GTF2A1L: variants seen among roughly 807,000 people sequenced by gnomAD.
GTF2A1L encodes the protein TFIIA-alpha and beta-like factor.
A neutral mutation model predicts 49.7 loss-of-function variants in GTF2A1L; 48 were observed. The observed-to-expected ratio is 0.97, with a 90% CI of 0.77 to 1.23. The LOEUF is 1.23. GTF2A1L is among the 50% of genes most tolerant of loss of function. GTF2A1L has a pLI of 0.00. For synonymous variants in GTF2A1L, 246 were observed against 193.5 expected, an observed-to-expected ratio of 1.27 and a Z score of -2.25; for missense variants, 736 against 564.8, an observed-to-expected ratio of 1.30 and a Z score of -3.07.
chr2:48,656,929 A>C (rs576751014), intron 6 of GTF2A1L, among the ~76,000 whole-genome samples: 4 of 152,320 alleles, frequency 2.6e-5, no homozygotes, highest in Non-Finnish European at 5.9e-5. Flanking sequence ...TAGTTTTCCC[A>C]AAATGATTTG....
rs70946822 is a variant in GTF2A1L at position 48,676,833 on chromosome 2, CATCTAT to C, written c.1330-2481_1330-2476del. 1.9e-3 allele frequency among the ~76,000 whole-genome samples: 282 copies of C among 150,968 alleles called. 1 individual carries two copies. Among genetic ancestry groups the C allele is most frequent in the Middle Eastern group, 0.014 (4 of 286 alleles). On this transcript the variant is annotated intron_variant, in intron 8 of 8. Coordinates refer to ENST00000403751, the MANE Select transcript of GTF2A1L (RefSeq NM_006872.5). ...TATATATCTATATCTATATCTATAT[CATCTAT>C]ATCTATATCTATATCTATATACTCA... is the stretch of plus-strand genomic sequence containing the variant.
rs114485702 is a variant in GTF2A1L, at chr2:48,652,234, C to T, written c.978+5192C>T. ...TTCAGTATTCCTTTATAAGCTTATC[C>T]TTGTCTGGCAAGGTAACATAGAAGC... On this transcript the variant is annotated intron_variant, in intron 6 of 8. Coordinates refer to ENST00000403751, the MANE Select transcript of GTF2A1L (RefSeq NM_006872.5). 7.9e-3 allele frequency among the ~76,000 whole-genome samples: 1,201 copies of T among 152,228 alleles called. 6 individuals carry two copies. Among genetic ancestry groups the T allele is most frequent in the Middle Eastern group, 0.014 (4 of 294 alleles).
intron 8 of GTF2A1L, among the ~76,000 whole-genome samples, chr2:48,677,978 GGT>G (rs5830998): frequency 0.46 from 67,824 of 147,796 alleles, 17,500 homozygotes; most frequent in East Asian, 0.86. Flanking sequence ...CTCTGAGATG[GGT>G]GTGTGTGTGT....
At chr2:48,634,689 A>C (rs1222424961) in intron 3 of GTF2A1L, among the ~76,000 whole-genome samples, 1 of 152,220 alleles carries the variant, frequency 6.6e-6, no homozygotes, top group Admixed American at 6.5e-5. Context: ...TCTTGGTTGG[A>C]ATTTCTTTTC....
intron 6 of GTF2A1L, among the ~76,000 whole-genome samples, chr2:48,659,245 G>A (rs937310523): frequency 6.6e-6 from 1 of 152,054 alleles, no homozygotes; most frequent in African/African-American, 2.4e-5. Flanking sequence ...AGCAAGATTA[G>A]GGAAATGTTC....
chr2:48,624,922 G>C (rs776200856), intron 3 of GTF2A1L, among the ~76,000 whole-genome samples: 3 of 143,762 alleles, frequency 2.1e-5, no homozygotes, highest in Non-Finnish European at 4.7e-5. Context: ...GTGTGTGTGT[G>C]TATACAGACA....
intron 3 of GTF2A1L, among the ~76,000 whole-genome samples, chr2:48,638,206 A>C (rs1677007950): frequency 6.6e-6 from 1 of 152,162 alleles, no homozygotes; most frequent in Admixed American, 6.5e-5. Context: ...TTGAGGAGGA[A>C]GGACTCCTCC....
At chr2:48,655,764 C>T (rs1465922984) in intron 6 of GTF2A1L, among the ~76,000 whole-genome samples, 2 of 152,004 alleles carry the variant, frequency 1.3e-5, no homozygotes, top group Admixed American at 1.3e-4. Context: ...AGTATATTCA[C>T]ATTGTTGTGT....
At chr2:48,663,983 G>C (rs1678666204) in intron 6 of GTF2A1L, among the ~76,000 whole-genome samples, 1 of 152,114 alleles carries the variant, frequency 6.6e-6, no homozygotes, top group Non-Finnish European at 1.5e-5. Flanking sequence ...GTTGAATTTT[G>C]TAAATTGACC....
At position 48,646,558 on chromosome 2, in the gene GTF2A1L, C is replaced by T; in HGVS notation, c.494C>T (p.Pro165Leu). ...IQQVFQQLGQ[P>L]SVIQTSVPQL... ...CAAGTATTTCAACAGCTTGGCCAGC[C>T]TTCAGTAATACAAACTAGTGTTCCA... The change falls in exon 6 of 9, where the codon CCT becomes CTT. Residue 165 changes from proline (P) to leucine (L), a missense_variant. Pro to Leu is a moderately conservative substitution (Grantham distance 98). Coordinates refer to ENST00000403751, the MANE Select transcript of GTF2A1L (RefSeq NM_006872.5). 6.2e-7 allele frequency: 1 copy of T among 1,614,152 alleles called. No homozygotes were observed.
chr2:48,622,545 T>C (rs763952444), intron 3 of GTF2A1L, among the ~76,000 whole-genome samples: 4 of 152,164 alleles, frequency 2.6e-5, no homozygotes, highest in Non-Finnish European at 5.9e-5. Flanking sequence ...GTGGTGGGTA[T>C]GGAAGAGGAA....
intron 6 of GTF2A1L, among the ~76,000 whole-genome samples, chr2:48,660,677 C>T (rs11694191): frequency 0.17 from 25,761 of 151,844 alleles, 2,558 homozygotes; most frequent in South Asian, 0.24. Flanking sequence ...GAGTCTCTGT[C>T]GCCCAGGCTG....
In GTF2A1L at chr2:48,630,410, C is replaced by T. The variant is rs533350592; in HGVS notation, c.247+9120C>T. Among the ~76,000 whole-genome samples, 4 of 143,818 alleles carry T rather than the reference C, an allele frequency of 2.8e-5. No individual in the cohort carries two copies. In the East Asian group the frequency reaches 5.9e-4, roughly 21 times the overall value. The allele number at this position is 143,818 out of a possible 152,430, so 94.4% of individuals were successfully genotyped here. A position where few individuals can be genotyped will look rare whatever the true frequency, so the allele number is the denominator to read the frequency against. On this transcript the variant is annotated intron_variant, in intron 3 of 8. Coordinates refer to ENST00000403751, the MANE Select transcript of GTF2A1L (RefSeq NM_006872.5). Reference sequence around the variant, plus strand: ...AAATGGGATTGTGTTCTTGATTTGGCGTTCAGCTTGAACGTTGTTGGTGTA... The same window carrying T: ...AAATGGGATTGTGTTCTTGATTTGGTGTTCAGCTTGAACGTTGTTGGTGTA...
At chr2:48,630,450 A>G (rs1244968963) in intron 3 of GTF2A1L, among the ~76,000 whole-genome samples, 1 of 144,056 alleles carries the variant, frequency 6.9e-6, no homozygotes, top group Non-Finnish European at 1.6e-5. Flanking sequence ...AATGCTACTA[A>G]TTTTATACAT....
intron 3 of GTF2A1L, among the ~76,000 whole-genome samples, chr2:48,640,590 T>A (rs1677146897): frequency 6.6e-6 from 1 of 152,054 alleles, no homozygotes; most frequent in Non-Finnish European, 1.5e-5. Context: ...TGGGCTTAAT[T>A]CCTGGATAAT....
intron 5 of GTF2A1L, 26 bp from the exon 6 acceptor site, chr2:48,646,427 T>TA: frequency 2.6e-6 from 4 of 1,533,716 alleles, no homozygotes; most frequent in Non-Finnish European, 3.5e-6. Flanking sequence ...CTATTATACT[T>TA]ACAATTTTGC....
chr2:48,649,745 G>A (rs1189156522), intron 6 of GTF2A1L, among the ~76,000 whole-genome samples: 3 of 152,044 alleles, frequency 2.0e-5, no homozygotes, highest in Non-Finnish European at 1.5e-5. Context: ...ACACATCACC[G>A]ACTGCCCTTC....
chr2:48,628,431 G>T (rs953673847), intron 3 of GTF2A1L, among the ~76,000 whole-genome samples: 1 of 143,928 alleles, frequency 6.9e-6, no homozygotes, highest in Admixed American at 7.0e-5. Flanking sequence ...ACTGGTGTGA[G>T]GTGGTATATT....
chr2:48,670,623 G>C (rs1448572893), intron 7 of GTF2A1L, among the ~76,000 whole-genome samples: 5 of 152,126 alleles, frequency 3.3e-5, no homozygotes, highest in Non-Finnish European at 7.4e-5. Context: ...AAGTGTGTAA[G>C]TAGTATTAGC....
Sources: gnomAD v4.1 joint callset for allele counts (sites outside exome capture counted in the v4.1 genomes callset) on GRCh38, gnomAD v4.1.1 for gene constraint, MANE v1.5 for transcripts, NCBI Gene and HGNC (gene_info 2026-07-23, HGNC 2026-07-21) for gene names.